ROBO1: variants seen among roughly 807,000 people sequenced by gnomAD.
ROBO1 encodes roundabout guidance receptor 1, also known as roundabout homolog 1.
In ROBO1, 149 loss-of-function variants were observed where a neutral mutation model predicts 195.9. That is an observed-to-expected ratio of 0.76 (90% confidence interval 0.67 to 0.87). The LOEUF is 0.87. ROBO1 is among the 40% of genes least tolerant of loss of function. The probability of loss-of-function intolerance (pLI) is 0.00; values close to 1 mark genes in which losing one functional copy is unlikely to be tolerated. For synonymous variants in ROBO1, 816 were observed against 733.2 expected (o/e 1.11, Z -1.82); for missense variants, 1,933 against 2,068.3 (o/e 0.93, Z 1.27).
Position 79,126,189 on chromosome 3 carries a change from A to T in ROBO1, c.89-650T>A, listed in dbSNP as rs560987211. Among the ~76,000 whole-genome samples, 35 of 152,348 alleles carry T rather than the reference A, an allele frequency of 2.3e-4. No individual in the cohort carries two copies. In the South Asian group the frequency reaches 7.3e-3, roughly 32 times the overall value. Reference sequence around the variant, plus strand: ...TGCAATGAATGCATGACTGAAACACATCTAACTTTGGATATTTTGGGTTGG... The same window carrying T: ...TGCAATGAATGCATGACTGAAACACTTCTAACTTTGGATATTTTGGGTTGG... On this transcript the variant is annotated intron_variant, in intron 2 of 30. Coordinates refer to ENST00000464233, the MANE Select transcript of ROBO1 (RefSeq NM_002941.4).
chr3:78,961,172 T>G (rs2041326375), intron 3 of ROBO1, among the ~76,000 whole-genome samples: 1 of 152,164 alleles, frequency 6.6e-6, no homozygotes, highest in Admixed American at 6.5e-5. Flanking sequence ...TAAAGATATT[T>G]ATCCCTCTTT....
At chr3:78,846,854 C>T (rs909619336) in intron 4 of ROBO1, among the ~76,000 whole-genome samples, 18 of 152,210 alleles carry the variant, frequency 1.2e-4, no homozygotes, top group Middle Eastern at 3.4e-3. Flanking sequence ...AGGTTACTTA[C>T]GTTGCTTTGA....
chr3:79,050,573 A>AC (rs1363523922), intron 3 of ROBO1, among the ~76,000 whole-genome samples: 2 of 151,998 alleles, frequency 1.3e-5, no homozygotes, highest in African/African-American at 4.8e-5. Context: ...TGAACTCTCC[A>AC]CCCCAAGTCA....
chr3:79,689,364 C>G (rs574741456), intron 1 of ROBO1, among the ~76,000 whole-genome samples: 1 of 151,940 alleles, frequency 6.6e-6, no homozygotes, highest in African/African-American at 2.4e-5. Context: ...TAGAAACAAA[C>G]GCTGGGTGCC....
At chr3:79,638,602 C>G (rs986309798) in intron 1 of ROBO1, among the ~76,000 whole-genome samples, 3 of 152,040 alleles carry the variant, frequency 2.0e-5, no homozygotes, top group Non-Finnish European at 2.9e-5. Context: ...TTTTGAAGAA[C>G]CTGACAAGCA....
intron 2 of ROBO1, among the ~76,000 whole-genome samples, chr3:79,526,750 T>C (rs1941448728): frequency 6.6e-6 from 1 of 152,180 alleles, no homozygotes. Context: ...TTTCGACTTT[T>C]AAGGGCTTTA....
chr3:79,548,503 G>A (rs934894842), intron 2 of ROBO1, among the ~76,000 whole-genome samples: 4 of 152,194 alleles, frequency 2.6e-5, no homozygotes, highest in Non-Finnish European at 4.4e-5. Context: ...TAGAAGAATA[G>A]CATTCAACAT....
chr3:79,327,266 T>C (rs1192804512), intron 2 of ROBO1, among the ~76,000 whole-genome samples: 1 of 151,982 alleles, frequency 6.6e-6, no homozygotes, highest in Non-Finnish European at 1.5e-5. Flanking sequence ...ACAAGGTCAT[T>C]ATTAAATATA....
At chr3:78,864,799 C>G (rs1383595062) in intron 4 of ROBO1, among the ~76,000 whole-genome samples, 1 of 142,098 alleles carries the variant, frequency 7.0e-6, no homozygotes, top group African/African-American at 2.6e-5. Context: ...CCTGTTTGTA[C>G]ACAAGAAAAA....
At chr3:79,714,842 C>A (rs1702418515) in intron 1 of ROBO1, among the ~76,000 whole-genome samples, 1 of 118,940 alleles carries the variant, frequency 8.4e-6, no homozygotes, top group East Asian at 2.3e-4. Context: ...ATTCTGGGGA[C>A]TGTTGTGGGG....
intron 2 of ROBO1, among the ~76,000 whole-genome samples, chr3:79,426,773 T>G (rs546925365): frequency 7.9e-5 from 12 of 152,160 alleles, no homozygotes; most frequent in Non-Finnish European, 1.2e-4. Context: ...GAAAACCATC[T>G]AAGGTAACTT....
intron 1 of ROBO1, among the ~76,000 whole-genome samples, chr3:79,637,967 T>C (rs927813068): frequency 6.6e-6 from 1 of 152,216 alleles, no homozygotes; most frequent in Non-Finnish European, 1.5e-5. Context: ...GAGTATTCTC[T>C]AAAATATTTT....
At chr3:79,259,754 AG>A (rs2082905649) in intron 2 of ROBO1, among the ~76,000 whole-genome samples, 1 of 152,150 alleles carries the variant, frequency 6.6e-6, no homozygotes, top group South Asian at 2.1e-4. Context: ...AATAGGCAAA[AG>A]ATTTAAATCG....
intron 4 of ROBO1, among the ~76,000 whole-genome samples, chr3:78,863,790 C>T (rs2034996956): frequency 6.6e-6 from 1 of 152,130 alleles, no homozygotes; most frequent in Non-Finnish European, 1.5e-5. Context: ...GGTCCAACTA[C>T]CAGGAGTTGA....
chr3:78,833,664 G>T (rs1211805516), intron 4 of ROBO1, among the ~76,000 whole-genome samples: 1 of 152,102 alleles, frequency 6.6e-6, no homozygotes, highest in Non-Finnish European at 1.5e-5. Flanking sequence ...AACACATAAA[G>T]TACTTAGTTC....
intron 2 of ROBO1, among the ~76,000 whole-genome samples, chr3:79,172,462 G>A (rs2081184788): frequency 6.6e-6 from 1 of 152,040 alleles, no homozygotes; most frequent in African/African-American, 2.4e-5. Flanking sequence ...GCTCTTCCTG[G>A]ATTGCCCGTG....
chr3:79,168,594 T>C (rs1442679247), intron 2 of ROBO1, among the ~76,000 whole-genome samples: 2 of 152,176 alleles, frequency 1.3e-5, no homozygotes, highest in Non-Finnish European at 2.9e-5. Context: ...CTTTTTCCTT[T>C]GTAGAAGTCT....
intron 1 of ROBO1, among the ~76,000 whole-genome samples, chr3:79,665,335 A>C (rs548275479): frequency 4.6e-5 from 7 of 151,976 alleles, no homozygotes; most frequent in African/African-American, 1.7e-4. Context: ...TAATTCCTTC[A>C]ATATCAGTTT....
In ROBO1 at chr3:79,058,158, A is replaced by T. The variant is rs1377132741; in HGVS notation, c.172+67298T>A. Reference sequence around the variant, plus strand: ...TAAAAATTTTGAGGCCCCATCTAAAACTTTAATTTGGGAAGACTGTGTTAA... The same window carrying T: ...TAAAAATTTTGAGGCCCCATCTAAATCTTTAATTTGGGAAGACTGTGTTAA... On this transcript the variant is annotated intron_variant, in intron 3 of 30. Coordinates refer to ENST00000464233, the MANE Select transcript of ROBO1 (RefSeq NM_002941.4). 2.6e-5 allele frequency among the ~76,000 whole-genome samples: 4 copies of T among 152,040 alleles called. No homozygotes were observed. In the East Asian group the frequency reaches 7.7e-4, roughly 29 times the overall value.
Sources: allele counts gnomAD v4.1 joint callset (sites outside exome capture counted in the v4.1 genomes callset), GRCh38; gene constraint gnomAD v4.1.1; transcripts MANE v1.5; gene names NCBI Gene and HGNC (gene_info 2026-07-23, HGNC 2026-07-21).